Variants in PCSK6 observed in about 807,000 individuals in gnomAD.
PCSK6 encodes proprotein convertase subtilisin/kexin type 6.
PCSK6 carries 85 observed loss-of-function variants against 123.3 expected under a neutral mutation model. The observed-to-expected ratio is 0.69, with a 90% confidence interval of 0.58 to 0.83. PCSK6 has a LOEUF of 0.83. Among genes scored for constraint, PCSK6 ranks in the 40% least tolerant of loss-of-function variants. The pLI, the probability that PCSK6 is intolerant of heterozygous loss-of-function variation, is 0.00. For missense variants in PCSK6, 1,191 were observed against 1,282.3 expected (o/e 0.93, Z 1.09); for synonymous variants, 508 against 516.0 (o/e 0.98, Z 0.21).
rs1162603869 is a variant in PCSK6 at position 101,304,046 on chromosome 15, T to C, written c.*1212A>G. On this transcript the variant is annotated 3_prime_UTR_variant, in exon 22 of 22. Coordinates refer to ENST00000611716, the MANE Select transcript of PCSK6 (RefSeq NM_002570.5). ...ATCTGGGTTCTCTCCAGCTCACAGG[T>C]GACAAGGCAAATGCACTGTCGTCAA... 2.0e-5 allele frequency: 3 copies of C among 152,594 alleles called. No homozygotes were observed. The highest frequency in any genetic ancestry group is 4.4e-5 in the Non-Finnish European group (3 of 68,032). 9.5% of individuals were successfully genotyped at this position (152,594 alleles called of 1,614,324 possible).
In PCSK6 at chr15:101,427,971, A is replaced by G; in HGVS notation, c.744T>C (p.Thr248=). 2 of 1,575,902 alleles carry G rather than the reference A, an allele frequency of 1.3e-6. No individual in the cohort carries two copies. Among genetic ancestry groups the G allele is most frequent in the Non-Finnish European group, 1.7e-6 (2 of 1,160,190 alleles). ...AAGCAGCAACTTCTCCCGCACAACGAGTGCCGTGTCTGAAACAAAGGAAAA... is the reference window on the plus strand; with the variant it reads ...AAGCAGCAACTTCTCCCGCACAACGGGTGCCGTGTCTGAAACAAAGGAAAA... ...YDASNENKHG[T]RCAGEVAASA... Residue 248 remains threonine, a synonymous_variant, in exon 6 of 22, where the codon ACT becomes ACC. Transcript: ENST00000611716.
chr15:101,423,711 T>A (rs2056159366), intron 6 of PCSK6, among the ~76,000 whole-genome samples: 1 of 151,800 alleles, frequency 6.6e-6, no homozygotes, highest in South Asian at 2.1e-4. Context: ...TATTAAGCAA[T>A]CTAACAACTA....
At chr15:101,406,030 ACCGTACCCGGCCGC>A (rs2042768033) in intron 6 of PCSK6, among the ~76,000 whole-genome samples, 2 of 152,184 alleles carry the variant, frequency 1.3e-5, no homozygotes, top group African/African-American at 2.4e-5. Context: ...GGTATGAACC[ACCGTACCCGGCCGC>A]CTGCTTCTAA....
intron 1 of PCSK6, among the ~76,000 whole-genome samples, chr15:101,453,344 C>T (rs1182261578): frequency 6.6e-6 from 1 of 152,256 alleles, no homozygotes; most frequent in Non-Finnish European, 1.5e-5. Context: ...CTGCTCCCCG[C>T]AGGCTGCCCC....
intron 1 of PCSK6, among the ~76,000 whole-genome samples, chr15:101,447,134 A>C (rs1234961413): frequency 1.3e-5 from 2 of 152,064 alleles, no homozygotes; most frequent in Non-Finnish European, 2.9e-5. Flanking sequence ...AAGCCCTTCT[A>C]GGCTTCTCAT....
chr15:101,485,013 G>A (rs11247300), intron 1 of PCSK6, among the ~76,000 whole-genome samples: 21,347 of 152,142 alleles, frequency 0.14, 2,344 homozygotes, highest in East Asian at 0.52. Flanking sequence ...ACCGTGTATC[G>A]CCAAATTGCT....
At chr15:101,322,084 G>A (rs141304836) in intron 18 of PCSK6, among the ~76,000 whole-genome samples, 3 of 152,318 alleles carry the variant, frequency 2.0e-5, no homozygotes, top group Admixed American at 6.5e-5. Flanking sequence ...AACCAGGAAC[G>A]TAAAGAGCAC....
intron 1 of PCSK6, among the ~76,000 whole-genome samples, chr15:101,448,261 GAACATCATTAC>G (rs2056944583): frequency 6.6e-6 from 1 of 152,182 alleles, no homozygotes; most frequent in South Asian, 2.1e-4. Context: ...AACATCATTA[GAACATCATTAC>G]AAACCTTGCT....
chr15:101,338,669 T>C (rs2040536384), intron 13 of PCSK6, among the ~76,000 whole-genome samples: 1 of 152,270 alleles, frequency 6.6e-6, no homozygotes, highest in South Asian at 2.1e-4. Context: ...AGTTTACTGT[T>C]GTACATACCC....
chr15:101,465,356 T>C (rs983598457), intron 1 of PCSK6, among the ~76,000 whole-genome samples: 2 of 152,224 alleles, frequency 1.3e-5, no homozygotes, highest in Non-Finnish European at 2.9e-5. Flanking sequence ...GCACAGGTCC[T>C]GAGCTGGGTG....
intron 11 of PCSK6, among the ~76,000 whole-genome samples, chr15:101,380,827 G>A (rs2041893072): frequency 6.6e-6 from 1 of 152,132 alleles, no homozygotes; most frequent in Admixed American, 6.5e-5. Flanking sequence ...ACCTGTATTT[G>A]TTGATAAAGA....
intron 6 of PCSK6, among the ~76,000 whole-genome samples, chr15:101,414,855 C>T (rs1312919890): frequency 6.6e-6 from 1 of 152,056 alleles, no homozygotes; most frequent in Non-Finnish European, 1.5e-5. Context: ...TAACAAAGTC[C>T]TTCTTTAAAG....
rs537999183 is a variant in PCSK6, at chr15:101,356,886, T to C, written c.1858+9310A>G. ...CCTGGGAACTGAAGAGGAAAATGGA[T>C]GACTGATGTGCTACTCAACCTTTAA... On this transcript the variant is annotated intron_variant, in intron 13 of 21. Transcript: ENST00000611716. Among the ~76,000 whole-genome samples, 65 of 152,274 alleles carry C rather than the reference T, an allele frequency of 4.3e-4. No homozygotes were observed. The South Asian group carries it at 0.013, about 30-fold the overall frequency.
chr15:101,372,897 C>T (rs902051477), intron 11 of PCSK6, among the ~76,000 whole-genome samples: 4 of 152,120 alleles, frequency 2.6e-5, no homozygotes, highest in African/African-American at 9.7e-5. Flanking sequence ...AATTGCTCAT[C>T]GGTAGGGGAA....
chr15:101,413,398 C>A (rs557385472), intron 6 of PCSK6, among the ~76,000 whole-genome samples: 1 of 151,856 alleles, frequency 6.6e-6, no homozygotes, highest in Non-Finnish European at 1.5e-5. Context: ...TACAAGAAGA[C>A]ATACTCAAAA....
At chr15:101,356,846 G>T (rs1486322673) in intron 13 of PCSK6, among the ~76,000 whole-genome samples, 2 of 152,166 alleles carry the variant, frequency 1.3e-5, no homozygotes, top group African/African-American at 4.8e-5. Context: ...ATCCTGGGAG[G>T]ACCCAGATCC....
At chr15:101,428,890 C>T (rs2056350157) in intron 5 of PCSK6, among the ~76,000 whole-genome samples, 1 of 152,290 alleles carries the variant, frequency 6.6e-6, no homozygotes, top group East Asian at 1.9e-4. Context: ...CTTCAAGGGT[C>T]ACTGCGTGGT....
Position 101,488,744 on chromosome 15 carries a change from C to CGCT in PCSK6, c.297+627_297+629dup, listed in dbSNP as rs149859951. 2.8e-3 allele frequency among the ~76,000 whole-genome samples: 422 copies of CGCT among 152,118 alleles called. 7 individuals carry two copies. The highest frequency in any genetic ancestry group is 8.9e-3 in the African/African-American group (368 of 41,538). On this transcript the variant is annotated intron_variant, in intron 1 of 21. Transcript: ENST00000611716. ...TTTAAACCCAGGACCCCCGGCCCTGCGCTGTCCCAAGGCCTCTCCGACGGC... is the reference window on the plus strand; with the variant it reads ...TTTAAACCCAGGACCCCCGGCCCTGCGCTGCTGTCCCAAGGCCTCTCCGACGGC...
chr15:101,386,157 C>G (rs746814294), intron 9 of PCSK6, among the ~76,000 whole-genome samples: 1 of 152,042 alleles, frequency 6.6e-6, no homozygotes, highest in Non-Finnish European at 1.5e-5. Flanking sequence ...GAACGCACGC[C>G]GCGCCACAGG....
Sources: gnomAD v4.1 joint callset for allele counts (sites outside exome capture counted in the v4.1 genomes callset) on GRCh38, gnomAD v4.1.1 for gene constraint, MANE v1.5 for transcripts, NCBI Gene and HGNC (gene_info 2026-07-23, HGNC 2026-07-21) for gene names.